MCM9: variants seen among roughly 807,000 people sequenced by gnomAD.
MCM9 encodes minichromosome maintenance 9 homologous recombination repair factor, also known as DNA helicase MCM9.
Under a neutral mutation model 72.8 loss-of-function variants are expected in MCM9, and 55 were observed. The observed-to-expected ratio is 0.76, with a 90% confidence interval of 0.61 to 0.95. The LOEUF (loss-of-function observed/expected upper bound fraction) is 0.95, where lower values mean the gene tolerates loss of function less well. Ranked by LOEUF, MCM9 falls within the 40% of genes least tolerant of loss-of-function variation. MCM9 has a pLI of 0.00. For missense variants in MCM9, 1,279 were observed against 1,377.0 expected (o/e 0.93, Z 1.13); for synonymous variants, 480 against 503.4 (o/e 0.95, Z 0.62).
At chr6:118,817,984 T>C (rs899662152) in intron 13 of MCM9, among the ~76,000 whole-genome samples, 4 of 152,192 alleles carry the variant, frequency 2.6e-5, no homozygotes, top group Admixed American at 2.0e-4. Context: ...GATGGCTTTT[T>C]TTCTTGTATA....
chr6:118,894,437 T>A, intron 8 of MCM9: 1 of 1,537,024 alleles, frequency 6.5e-7, no homozygotes. Flanking sequence ...AGGTGAACAA[T>A]GTAGTGGTGC....
intron 1 of MCM9, among the ~76,000 whole-genome samples, chr6:118,933,486 C>T (rs542655558): frequency 7.0e-6 from 1 of 142,980 alleles, no homozygotes; most frequent in African/African-American, 2.6e-5. Context: ...AGCCCGGGCA[C>T]AGAGCGAGAC....
chr6:118,924,132 T>C lies in MCM9; in HGVS notation c.305-5A>G, dbSNP rs781746200. ...GCTCAGGACAGACAGGCAAACCTGA[T>C]GGAGAAAACAAAAAAACAGCATCAA... is the stretch of plus-strand genomic sequence containing the variant. On this transcript the variant is annotated splice_polypyrimidine_tract_variant and splice_region_variant and intron_variant, in intron 3 of 13. Transcript: ENST00000619706. The C allele has an allele frequency of 3.7e-6, 6 of 1,605,192 alleles. No homozygotes were observed. The highest frequency in any genetic ancestry group is 5.1e-6 in the Non-Finnish European group (6 of 1,174,228).
At chr6:118,839,676 C>T (rs1431733609) in intron 9 of MCM9, among the ~76,000 whole-genome samples, 3 of 152,180 alleles carry the variant, frequency 2.0e-5, no homozygotes, top group African/African-American at 4.8e-5. Context: ...TTCTAACAGG[C>T]CCCTCTGCTG....
At chr6:118,875,787 A>C (rs1777898395) in intron 8 of MCM9, among the ~76,000 whole-genome samples, 2 of 152,190 alleles carry the variant, frequency 1.3e-5, no homozygotes, top group African/African-American at 4.8e-5. Flanking sequence ...GCTTCTGGGA[A>C]TGCAAAATGG....
rs1186627230 is a variant in MCM9 at position 118,813,687 on chromosome 6, C to T, written c.*1137G>A. 1 of 152,074 alleles carries T rather than the reference C, an allele frequency of 6.6e-6. No individual in the cohort carries two copies. The highest frequency in any genetic ancestry group is 1.5e-5 in the Non-Finnish European group (1 of 68,024). 9.4% of individuals were successfully genotyped at this position (152,074 alleles called of 1,614,324 possible). A position where few individuals can be genotyped will look rare whatever the true frequency, so the allele number is the denominator to read the frequency against. ...CCATAATTACTGAATCCTAATAACCCTTATTAGAATCCAAAGGAATAAGTG... is the reference window on the plus strand; with the variant it reads ...CCATAATTACTGAATCCTAATAACCTTTATTAGAATCCAAAGGAATAAGTG... On this transcript the variant is annotated 3_prime_UTR_variant, in exon 14 of 14. Transcript: ENST00000619706.
In MCM9 at chr6:118,852,491, G is replaced by A. The variant is rs140365199; in HGVS notation, c.1325+3880C>T. Among the ~76,000 whole-genome samples the A allele has an allele frequency of 7.7e-3, 1,171 of 151,580 alleles. 8 individuals carry two copies. Among genetic ancestry groups the A allele is most frequent in the South Asian group, 0.029 (138 of 4,794 alleles). On this transcript the variant is annotated intron_variant, in intron 9 of 13. Coordinates refer to ENST00000619706, the MANE Select transcript of MCM9 (RefSeq NM_017696.3). ...ACTCCAATTAAAAAAGGATTTTACT[G>A]ATCATAAATGGTATCGCCTCCCCAG...
intron 8 of MCM9, chr6:118,911,006 A>G (rs549424665): frequency 5.1e-6 from 5 of 985,374 alleles, no homozygotes; most frequent in South Asian, 4.7e-5. Flanking sequence ...ACATTACCCA[A>G]TCAAAACTGT....
chr6:118,917,467 T>C (rs1002057728), intron 6 of MCM9, 94 bp downstream of exon 6: 15 of 1,201,318 alleles, frequency 1.2e-5, no homozygotes, highest in Non-Finnish European at 1.8e-5. Flanking sequence ...CATTGAGTTA[T>C]GCGGCATATA....
intron 8 of MCM9, among the ~76,000 whole-genome samples, chr6:118,898,547 C>T (rs1203838019): frequency 6.6e-6 from 1 of 151,838 alleles, no homozygotes; most frequent in African/African-American, 2.4e-5. Flanking sequence ...GCCTCAGCCT[C>T]CCGAGTAGCT....
intron 8 of MCM9, among the ~76,000 whole-genome samples, chr6:118,889,581 G>T (rs1465445177): frequency 6.6e-6 from 1 of 152,222 alleles, no homozygotes; most frequent in East Asian, 1.9e-4. Flanking sequence ...AAGATGGACT[G>T]CAAGTAGAGA....
At chr6:118,858,008 A>C (rs1776673018) in intron 8 of MCM9, among the ~76,000 whole-genome samples, 1 of 152,184 alleles carries the variant, frequency 6.6e-6, no homozygotes, top group Non-Finnish European at 1.5e-5. Flanking sequence ...ATGAACTCAG[A>C]ATTATCATAC....
At chr6:118,875,227 AAAG>A (rs1192955846) in intron 8 of MCM9, among the ~76,000 whole-genome samples, 1 of 152,262 alleles carries the variant, frequency 6.6e-6, no homozygotes, top group Non-Finnish European at 1.5e-5. Context: ...TGATGTTATC[AAAG>A]AAGAACTACA....
At position 118,921,940 on chromosome 6, in the gene MCM9, G is replaced by A. The variant is rs553668656; in HGVS notation, c.703+65C>T. ...CAGTGATCTTGGGAAAATAAAAAGT[G>A]GCTTTTCCTAATCAATACTTTAGGA... On this transcript the variant is annotated intron_variant, in intron 5 of 13. Coordinates refer to ENST00000619706, the MANE Select transcript of MCM9 (RefSeq NM_017696.3). The A allele has an allele frequency of 1.4e-4, 164 of 1,202,286 alleles. 1 individual carries two copies. In the Middle Eastern group the frequency reaches 1.4e-3, roughly 10 times the overall value. The allele number at this position is 1,202,286 out of a possible 1,614,324, so 74.5% of individuals were successfully genotyped here.
chr6:118,909,483 T>C (rs964241140), intron 8 of MCM9, among the ~76,000 whole-genome samples: 26 of 152,192 alleles, frequency 1.7e-4, no homozygotes, highest in Non-Finnish European at 3.1e-4. Context: ...CTGTAGCACA[T>C]AAGTTTTTTT....
chr6:118,851,179 T>C (rs570192742), intron 9 of MCM9, among the ~76,000 whole-genome samples: 14 of 151,926 alleles, frequency 9.2e-5, no homozygotes, highest in Admixed American at 8.5e-4. Flanking sequence ...GGCCAGCATG[T>C]ATTAGAAACA....
chr6:118,917,417 T>C lies in MCM9; in HGVS notation c.904+144A>G, dbSNP rs1048996303. 2.8e-5 allele frequency: 21 copies of C among 743,180 alleles called. No homozygotes were observed. The African/African-American group carries it at 3.4e-4, about 12-fold the overall frequency. 46.0% of individuals were successfully genotyped at this position (743,180 alleles called of 1,614,324 possible). On this transcript the variant is annotated intron_variant, in intron 6 of 13. Transcript: ENST00000619706. ...AGAAAAAGGCTTCAAAGGGAGACTA[T>C]AGCTAGAGGTAATGACTAATCCTAC...
At chr6:118,907,357 A>T in intron 8 of MCM9, 1 of 1,362,070 alleles carries the variant, frequency 7.3e-7, no homozygotes, top group Non-Finnish European at 1.0e-6. Flanking sequence ...ATGGTGATTT[A>T]ACTTTCTTAG....
rs536806902 is a variant in MCM9 at position 118,844,000 on chromosome 6, G to A, written c.1325+12371C>T. On this transcript the variant is annotated intron_variant, in intron 9 of 13. Coordinates refer to ENST00000619706, the MANE Select transcript of MCM9 (RefSeq NM_017696.3). ...AGGCAGGGCCCCAGAATATCTAGAT[G>A]ATGATGACTCAGTGAAGGATTCCTA... Among the ~76,000 whole-genome samples the A allele has an allele frequency of 2.0e-5, 3 of 150,818 alleles. No homozygotes were observed. In the South Asian group the frequency reaches 6.2e-4, roughly 31 times the overall value.
Sources: allele counts gnomAD v4.1 joint callset (sites outside exome capture counted in the v4.1 genomes callset), GRCh38; gene constraint gnomAD v4.1.1; transcripts MANE v1.5; gene names NCBI Gene and HGNC (gene_info 2026-07-23, HGNC 2026-07-21).